Variants in SPAG9 observed in about 807,000 individuals in gnomAD.
SPAG9 encodes the protein C-Jun-amino-terminal kinase-interacting protein 4.
Under a neutral mutation model 166.5 loss-of-function variants are expected in SPAG9, and 35 were observed. The ratio of observed to expected loss-of-function variants is 0.21; its 90% confidence interval spans 0.16 to 0.28. SPAG9 has a LOEUF of 0.28. Ranked by LOEUF, SPAG9 falls within the 10% of genes least tolerant of loss-of-function variation. The pLI is 1.00. For missense variants in SPAG9, 1,235 were observed against 1,603.3 expected, an observed-to-expected ratio of 0.77 and a Z score of 3.92; for synonymous variants, 534 against 565.5, an observed-to-expected ratio of 0.94 and a Z score of 0.79.
intron 1 of SPAG9, among the ~76,000 whole-genome samples, chr17:51,104,823 C>T (rs542088605): frequency 6.6e-6 from 1 of 151,372 alleles, no homozygotes; most frequent in African/African-American, 2.4e-5. Context: ...GTCCCAGCTA[C>T]TCGGGAGGCT....
chr17:51,080,601 G>C (rs1033869731), intron 1 of SPAG9, among the ~76,000 whole-genome samples: 5 of 152,110 alleles, frequency 3.3e-5, no homozygotes, highest in Admixed American at 6.6e-5. Flanking sequence ...AGCATCTTAA[G>C]GCTGGGTGTG....
At chr17:51,095,992 G>GATATATATATATAGTGATAT (rs199752558) in intron 1 of SPAG9, among the ~76,000 whole-genome samples, 13 of 75,184 alleles carry the variant, frequency 1.7e-4, no homozygotes, top group Non-Finnish European at 2.7e-4. Context: ...TATATATAGT[G>GATATATATATATAGTGATAT]ATATATATAT....
At chr17:51,081,800 A>ATT (rs1236775233) in intron 1 of SPAG9, among the ~76,000 whole-genome samples, 1 of 135,052 alleles carries the variant, frequency 7.4e-6, no homozygotes, top group East Asian at 2.2e-4. Context: ...AGTGGTTTAA[A>ATT]TTCTTTACCA....
intron 1 of SPAG9, among the ~76,000 whole-genome samples, chr17:51,082,615 A>G (rs907097180): frequency 3.9e-5 from 6 of 152,302 alleles, no homozygotes; most frequent in African/African-American, 1.4e-4. Flanking sequence ...AGGTTCTCAA[A>G]TATTTGTTAA....
intron 13 of SPAG9, among the ~76,000 whole-genome samples, chr17:51,000,609 C>G (rs980533643): frequency 2.0e-5 from 3 of 152,040 alleles, no homozygotes; most frequent in Non-Finnish European, 4.4e-5. Context: ...GTAGCGCACA[C>G]CTGGAAACCC....
rs191258416 is a variant in SPAG9 at position 50,981,561 on chromosome 17, A to G, written c.3237+963T>C. On this transcript the variant is annotated intron_variant, in intron 25 of 29. Coordinates refer to ENST00000262013, the MANE Select transcript of SPAG9 (RefSeq NM_001130528.3). ...AGAAAGAAAGAATAGATAGATAGAT[A>G]GAATTGATATAAAAAACAAACACCA... Among the ~76,000 whole-genome samples the G allele has an allele frequency of 6.4e-4, 98 of 152,252 alleles. No homozygotes were observed. In the East Asian group the frequency reaches 0.014, roughly 22 times the overall value.
intron 2 of SPAG9, among the ~76,000 whole-genome samples, chr17:51,077,041 TCTAGCTATCTAGCTAGCTATCTAG>T (rs1288825073): frequency 4.1e-5 from 4 of 98,518 alleles, no homozygotes; most frequent in Non-Finnish European, 9.2e-5. Flanking sequence ...TATCTAGCTA[TCTAGCTATCTAGCTAGCTATCTAG>T]CTAGCTATCT....
intron 19 of SPAG9, chr17:50,990,870 A>G: frequency 3.8e-6 from 2 of 532,290 alleles, no homozygotes; most frequent in South Asian, 2.2e-5. Context: ...TTCTATTAAC[A>G]CAAGTGCAAA....
chr17:50,976,137 A>T (rs1010671470), intron 27 of SPAG9, among the ~76,000 whole-genome samples: 1 of 151,506 alleles, frequency 6.6e-6, no homozygotes, highest in Non-Finnish European at 1.5e-5. Context: ...TTTTTTTTTT[A>T]AATAATAAAG....
chr17:50,979,380 G>GAAAAAAAAAAAAAAAAAAAAAAA (rs76167072), intron 26 of SPAG9, among the ~76,000 whole-genome samples: 1 of 76,082 alleles, frequency 1.3e-5, no homozygotes, highest in Non-Finnish European at 2.7e-5. Flanking sequence ...TTGAAAAAAA[G>GAAAAAAAAAAAAAAAAAAAAAAA]AAAAAAAAAA....
At chr17:51,053,851 AAAAGTATATATATATATATAT>A (rs1291036592) in intron 3 of SPAG9, among the ~76,000 whole-genome samples, 8 of 65,452 alleles carry the variant, frequency 1.2e-4, no homozygotes, top group African/African-American at 3.4e-4. Context: ...AAAAAAAAAA[AAAAGTATATATATATATATAT>A]ATATATATAT....
intron 6 of SPAG9, among the ~76,000 whole-genome samples, chr17:51,023,946 G>A (rs911139595): frequency 1.3e-4 from 20 of 152,188 alleles, no homozygotes; most frequent in Admixed American, 1.0e-3. Flanking sequence ...GATTACAGGC[G>A]TGAGCCATTG....
chr17:51,079,258 G>T (rs1455812568), intron 2 of SPAG9, among the ~76,000 whole-genome samples: 2 of 151,046 alleles, frequency 1.3e-5, no homozygotes, highest in Admixed American at 6.6e-5. Flanking sequence ...GGGGGTGGGG[G>T]GACACAGTTT....
chr17:51,094,754 AAT>A (rs2048564608), intron 1 of SPAG9, among the ~76,000 whole-genome samples: 3 of 152,206 alleles, frequency 2.0e-5, no homozygotes, highest in Non-Finnish European at 4.4e-5. Flanking sequence ...ACATTTGGAT[AAT>A]ATATCTCTTA....
At chr17:51,049,002 G>C (rs1598084327) in intron 3 of SPAG9, among the ~76,000 whole-genome samples, 1 of 152,062 alleles carries the variant, frequency 6.6e-6, no homozygotes, top group Non-Finnish European at 1.5e-5. Flanking sequence ...GAATTTTCAG[G>C]AACAAAAATC....
At chr17:51,076,642 A>C (rs188590367) in intron 2 of SPAG9, among the ~76,000 whole-genome samples, 145 of 152,120 alleles carry the variant, frequency 9.5e-4, no homozygotes, top group Middle Eastern at 3.4e-3. Context: ...AGGCTGAGGC[A>C]GGAGAATCAC....
rs1302094745 is a variant in SPAG9, at chr17:50,982,627, C to T, written c.3134G>A (p.Arg1045Gln). The change falls in exon 25 of 30, where the codon CGG (arginine) becomes CAG (glutamine). Residue 1045 changes from arginine to glutamine, a missense_variant. Physicochemically the swap from Arg to Gln is conservative, Grantham distance 43. Transcript: ENST00000262013. ...LSNYHLLDLG[R>Q]PHHSIRCMTV... ...CATGCAACGGATGGAATGATGAGGC[C>T]GTCCAAGGTCTAAGAGGTGATAGTT... is the stretch of plus-strand genomic sequence containing the variant. 8 of 1,613,646 alleles carry T rather than the reference C, an allele frequency of 5.0e-6. No homozygotes were observed. The highest frequency in any genetic ancestry group is 6.8e-6 in the Non-Finnish European group (8 of 1,179,898).
At chr17:51,040,456 G>T (rs2046795457) in intron 5 of SPAG9, 1 of 152,128 alleles carries the variant, frequency 6.6e-6, no homozygotes. Context: ...AAGGTCAATA[G>T]AATGATTCTG....
chr17:51,079,480 C>T, intron 2 of SPAG9, 104 bp downstream of exon 2: 2 of 1,036,304 alleles, frequency 1.9e-6, no homozygotes, highest in Non-Finnish European at 2.8e-6. Flanking sequence ...CCCAAGTGAT[C>T]CTCCTACCTC....
Sources: allele counts gnomAD v4.1 joint callset (sites outside exome capture counted in the v4.1 genomes callset), GRCh38; gene constraint gnomAD v4.1.1; transcripts MANE v1.5; gene names NCBI Gene and HGNC (gene_info 2026-07-23, HGNC 2026-07-21).